ITGAE: variants seen among roughly 807,000 people sequenced by gnomAD.
ITGAE encodes integrin alpha-E.
A neutral mutation model predicts 136.5 loss-of-function variants in ITGAE; 99 were observed. The ratio of observed to expected loss-of-function variants is 0.73; its 90% CI spans 0.62 to 0.86. The LOEUF (loss-of-function observed/expected upper bound fraction) is 0.86, where lower values mean the gene tolerates loss of function less well. Among genes scored for constraint, ITGAE ranks in the 40% least tolerant of loss-of-function variants. The pLI is 0.00. For missense variants in ITGAE, 1,447 were observed against 1,515.3 expected (o/e 0.95, Z 0.75); for synonymous variants, 613 against 591.8 (o/e 1.04, Z -0.52).
intron 1 of ITGAE, among the ~76,000 whole-genome samples, chr17:3,782,814 C>T (rs959925722): frequency 2.6e-5 from 4 of 152,086 alleles, no homozygotes; most frequent in East Asian, 1.9e-4. Flanking sequence ...GTGACTTTTT[C>T]GTCTCTAAAT....
chr17:3,750,801 G>A (rs867418231), intron 15 of ITGAE, among the ~76,000 whole-genome samples: 7 of 152,124 alleles, frequency 4.6e-5, no homozygotes, highest in Non-Finnish European at 4.4e-5. Context: ...GCTTGATGTG[G>A]GGCTTGGGGA....
At chr17:3,746,071 C>T (rs564126947) in intron 17 of ITGAE, 144 bp from the exon 18 acceptor site, 53 of 710,018 alleles carry the variant, frequency 7.5e-5, no homozygotes, top group African/African-American at 4.6e-4. Flanking sequence ...ACTCCTGCGT[C>T]GGTTTTTCAA....
intron 24 of ITGAE, 104 bp downstream of exon 24, chr17:3,729,374 T>G (rs2051289706): frequency 1.3e-6 from 1 of 786,834 alleles, no homozygotes; most frequent in African/African-American, 1.7e-5. Context: ...AGAAGGACAG[T>G]GTCCACATTC....
Position 3,714,726 on chromosome 17 carries a change from T to G in ITGAE, c.*121A>C. 1.7e-6 allele frequency: 1 copy of G among 590,160 alleles called. No homozygotes were observed. 36.6% of individuals were successfully genotyped at this position (590,160 alleles called of 1,614,324 possible). On this transcript the variant is annotated 3_prime_UTR_variant, in exon 31 of 31. Coordinates refer to ENST00000263087, the MANE Select transcript of ITGAE (RefSeq NM_002208.5). ...TTTGGGACAATGTATGGTTAAAAAC[T>G]AATATTCTACCAACAGCTCCATGCT... is the stretch of plus-strand genomic sequence containing the variant.
rs1465644096 is a variant in ITGAE at position 3,767,289 on chromosome 17, GT to G, written c.156-3330del. On this transcript the variant is annotated intron_variant, in intron 2 of 30. Transcript: ENST00000263087. ...TTTTCGTATTTTTAGTACAGATGGG[GT>G]TTTCACCATGTTGGCCAGGCTGGTC... is the stretch of plus-strand genomic sequence containing the variant. Among the ~76,000 whole-genome samples, 37 of 152,070 alleles carry G rather than the reference GT, an allele frequency of 2.4e-4. No homozygotes were observed. The South Asian group carries it at 7.7e-3, about 32-fold the overall frequency.
intron 16 of ITGAE, among the ~76,000 whole-genome samples, chr17:3,749,309 C>T (rs958184647): frequency 2.0e-5 from 3 of 151,426 alleles, no homozygotes; most frequent in Non-Finnish European, 2.9e-5. Context: ...GGCTGGAGTG[C>T]AGTGGCGCGA....
Position 3,799,003 on chromosome 17 carries a change from G to C in ITGAE, c.34+2108C>G, listed in dbSNP as rs184378154. Reference sequence around the variant, plus strand: ...GCATCACCAGAGTGGCTGGCCTGGAGAGAGTGGAAGGTCAGGGCCAGGCCA... The same window carrying C: ...GCATCACCAGAGTGGCTGGCCTGGACAGAGTGGAAGGTCAGGGCCAGGCCA... On this transcript the variant is annotated intron_variant, in intron 1 of 30. Coordinates refer to ENST00000263087, the MANE Select transcript of ITGAE (RefSeq NM_002208.5). This position sits in a 1 kb window ranked among gnomAD's most constrained non-coding sequence, Gnocchi z 4.1. Among the ~76,000 whole-genome samples, 1 of 152,184 alleles carries C rather than the reference G, an allele frequency of 6.6e-6. No individual in the cohort carries two copies. Among genetic ancestry groups the C allele is most frequent in the Non-Finnish European group, 1.5e-5 (1 of 68,032 alleles).
At chr17:3,758,418 C>T (rs2052081219) in intron 8 of ITGAE, among the ~76,000 whole-genome samples, 1 of 151,828 alleles carries the variant, frequency 6.6e-6, no homozygotes. Flanking sequence ...GCTGTGAGTA[C>T]TATTATTATT....
intron 2 of ITGAE, among the ~76,000 whole-genome samples, chr17:3,773,549 GA>G: frequency 9.0e-6 from 1 of 110,984 alleles, no homozygotes; most frequent in South Asian, 2.8e-4. Context: ...AAGTGGGGGT[GA>G]GGGGCAAAGT....
At chr17:3,739,773 A>G (rs1195857383) in intron 20 of ITGAE, 32 bp downstream of exon 20, 4 of 1,591,374 alleles carry the variant, frequency 2.5e-6, no homozygotes, top group East Asian at 2.2e-5. Flanking sequence ...GAGAAGGTTA[A>G]TCGAGGAAAC....
Position 3,761,387 on chromosome 17 carries a change from A to T in ITGAE, c.433+16T>A. On this transcript the variant is annotated intron_variant, in intron 5 of 30. Coordinates refer to ENST00000263087, the MANE Select transcript of ITGAE (RefSeq NM_002208.5). ...TCTTTAGAGCTATCCAAGGCCAGTG[A>T]ATGTCCAATCCTTACCAAGGTCGAA... 6.2e-7 allele frequency: 1 copy of T among 1,603,360 alleles called. No homozygotes were observed. The highest frequency in any genetic ancestry group is 8.5e-7 in the Non-Finnish European group (1 of 1,174,906).
intron 1 of ITGAE, among the ~76,000 whole-genome samples, chr17:3,779,888 A>C (rs77594965): frequency 0.015 from 2,334 of 152,300 alleles, 60 homozygotes; most frequent in African/African-American, 0.053. Flanking sequence ...GCATGGGAGA[A>C]GGTTTATCTC....
intron 3 of ITGAE, among the ~76,000 whole-genome samples, chr17:3,763,593 A>G (rs537708982): frequency 6.6e-6 from 1 of 152,114 alleles, no homozygotes; most frequent in Non-Finnish European, 1.5e-5. Context: ...AAACAGAATG[A>G]CTCAGAGGAC....
intron 1 of ITGAE, among the ~76,000 whole-genome samples, chr17:3,800,422 T>TA (rs1321849787): frequency 6.6e-6 from 1 of 152,290 alleles, no homozygotes; most frequent in African/African-American, 2.4e-5. Context: ...GCCTCCGGCT[T>TA]AATCTTAGCA....
intron 2 of ITGAE, among the ~76,000 whole-genome samples, chr17:3,774,394 C>A (rs1212553035): frequency 6.6e-6 from 1 of 152,036 alleles, no homozygotes; most frequent in African/African-American, 2.4e-5. Context: ...GGATTGAAAT[C>A]AATGACAGAG....
chr17:3,760,926 G>A, intron 6 of ITGAE, 87 bp downstream of exon 6: 1 of 1,506,434 alleles, frequency 6.6e-7, no homozygotes, highest in Non-Finnish European at 8.8e-7. Flanking sequence ...CCATCTCTCA[G>A]ACTGAGGCAC....
chr17:3,727,951 C>T lies in ITGAE; in HGVS notation c.3052G>A (p.Val1018Ile). 1.2e-6 allele frequency: 2 copies of T among 1,614,058 alleles called. No individual in the cohort carries two copies. Among genetic ancestry groups the T allele is most frequent in the South Asian group, 1.1e-5 (1 of 91,084 alleles). ...CVPTKLRGLQ[V>I]VAVKKLTRTQ... is the part of the protein sequence containing the mutation. The stretch of plus-strand genomic sequence containing the variant: ...CTCGTCAGCTTCTTCACTGCTACAA[C>T]CTGGAGACCTCGTAATTTGGTTGGG... Residue 1018 changes from valine to isoleucine, a missense_variant, in exon 26 of 31, where the codon GTT becomes ATT. This residue lies in a region of ITGAE where 1,031 missense variants were observed against 1,011.4 expected (regional missense o/e 1.02). Transcript: ENST00000263087.
chr17:3,751,183 G>C (rs1267288610), intron 15 of ITGAE, among the ~76,000 whole-genome samples: 1 of 151,906 alleles, frequency 6.6e-6, no homozygotes, highest in Non-Finnish European at 1.5e-5. Flanking sequence ...GGGCCATCCA[G>C]GTGGAGGTGC....
intron 2 of ITGAE, among the ~76,000 whole-genome samples, chr17:3,774,185 G>T (rs1271014625): frequency 6.6e-6 from 1 of 152,018 alleles, no homozygotes; most frequent in African/African-American, 2.4e-5. Context: ...CCCAGTGCCT[G>T]TTTGAACCCT....
Sources: allele counts gnomAD v4.1 joint callset (sites outside exome capture counted in the v4.1 genomes callset), GRCh38; gene constraint gnomAD v4.1.1; regional missense constraint gnomAD v4.1.1; non-coding constraint Gnocchi (gnomAD v3.1); transcripts MANE v1.5; gene names NCBI Gene and HGNC (gene_info 2026-07-23, HGNC 2026-07-21).